BBS9: variants seen among roughly 807,000 people sequenced by gnomAD.
BBS9 encodes protein PTHB1.
Under a neutral mutation model 117.7 loss-of-function variants are expected in BBS9, and 89 were observed. That is an observed-to-expected ratio of 0.76 (90% CI 0.64 to 0.90). The LOEUF (loss-of-function observed/expected upper bound fraction) is 0.90. Ranked by LOEUF, BBS9 falls within the 40% of genes least tolerant of loss-of-function variation. The pLI is 0.00. For synonymous variants in BBS9, 379 were observed against 370.9 expected, an observed-to-expected ratio of 1.02 and a Z score of -0.25; for missense variants, 982 against 1,042.2, an observed-to-expected ratio of 0.94 and a Z score of 0.80.
intron 1 of BBS9, among the ~76,000 whole-genome samples, chr7:33,139,667 C>T (rs1791128885): frequency 6.8e-6 from 1 of 147,572 alleles, no homozygotes. Flanking sequence ...TCTAGGCAGG[C>T]CCCATGAAGT....
chr7:33,603,831 G>T (rs574770986), intron 21 of BBS9, among the ~76,000 whole-genome samples: 7 of 152,112 alleles, frequency 4.6e-5, no homozygotes, highest in African/African-American at 1.4e-4. Context: ...CCTCAGCATC[G>T]ATTTCTGTTT....
intron 20 of BBS9, among the ~76,000 whole-genome samples, chr7:33,524,482 G>A (rs1239921114): frequency 6.6e-6 from 1 of 152,180 alleles, no homozygotes; most frequent in Non-Finnish European, 1.5e-5. Flanking sequence ...TCTTGGGAGG[G>A]TGTATGTGTC....
At chr7:33,529,181 G>A (rs1246764393) in intron 20 of BBS9, among the ~76,000 whole-genome samples, 1 of 152,202 alleles carries the variant, frequency 6.6e-6, no homozygotes, top group Non-Finnish European at 1.5e-5. Context: ...AAGGCATCTG[G>A]GACCAGCATG....
At chr7:33,572,870 T>G (rs764315850) in intron 21 of BBS9, among the ~76,000 whole-genome samples, 6 of 152,076 alleles carry the variant, frequency 3.9e-5, no homozygotes, top group African/African-American at 1.2e-4. Context: ...ATTTTTAAAA[T>G]TAATATAGGA....
chr7:33,244,353 A>G (rs763766670), intron 5 of BBS9, among the ~76,000 whole-genome samples: 17 of 152,208 alleles, frequency 1.1e-4, no homozygotes, highest in Admixed American at 2.6e-4. Context: ...TGAGCCTGGG[A>G]ATCACTGTTT....
intron 5 of BBS9, among the ~76,000 whole-genome samples, chr7:33,208,460 T>C (rs1208177203): frequency 2.0e-5 from 3 of 152,210 alleles, no homozygotes; most frequent in East Asian, 1.9e-4. Context: ...ATCCAACCCA[T>C]GTTGAGAATT....
intron 16 of BBS9, 66 bp downstream of exon 16, chr7:33,358,061 A>G: frequency 6.5e-7 from 1 of 1,546,226 alleles, no homozygotes; most frequent in African/African-American, 1.4e-5. Context: ...GGAATCCTTC[A>G]TCAGCAGATA....
chr7:33,191,745 T>G (rs999573145), intron 5 of BBS9, among the ~76,000 whole-genome samples: 6 of 152,338 alleles, frequency 3.9e-5, no homozygotes, highest in Non-Finnish European at 8.8e-5. Flanking sequence ...TTTGTCATGA[T>G]TTTAGGCTTG....
intron 6 of BBS9, 96 bp from the exon 7 acceptor site, chr7:33,264,194 A>T: frequency 1.7e-6 from 1 of 601,312 alleles, no homozygotes; most frequent in Non-Finnish European, 2.5e-6. Context: ...AGTGCTTTAT[A>T]AAGTTTATAG....
intron 20 of BBS9, among the ~76,000 whole-genome samples, chr7:33,507,398 G>A (rs1846299668): frequency 6.6e-6 from 1 of 151,994 alleles, no homozygotes; most frequent in African/African-American, 2.4e-5. Flanking sequence ...GTGCCACCAT[G>A]CCTAACTAAT....
intron 5 of BBS9, among the ~76,000 whole-genome samples, chr7:33,188,318 C>T (rs1299589807): frequency 3.3e-5 from 5 of 152,100 alleles, no homozygotes; most frequent in Non-Finnish European, 7.4e-5. Context: ...CAAATTCCTT[C>T]TGGTATAGTT....
intron 19 of BBS9, among the ~76,000 whole-genome samples, chr7:33,389,465 G>A (rs555676216): frequency 3.9e-5 from 6 of 152,138 alleles, no homozygotes; most frequent in South Asian, 4.2e-4. Context: ...CTAGGCGGGC[G>A]GATCACGAGG....
At position 33,353,464 on chromosome 7, in the gene BBS9, A is replaced by G. The variant is rs934760214; in HGVS notation, c.1552+591A>G. 3.3e-5 allele frequency among the ~76,000 whole-genome samples: 5 copies of G among 152,114 alleles called. No individual in the cohort carries two copies. In the South Asian group the frequency reaches 6.2e-4, roughly 19 times the overall value. Reference sequence around the variant, plus strand: ...ACTCTGCTATGATTCTGATCACAATATGAACTTAATTAAGTTTGTTCCTTA... The same window carrying G: ...ACTCTGCTATGATTCTGATCACAATGTGAACTTAATTAAGTTTGTTCCTTA... On this transcript the variant is annotated intron_variant, in intron 15 of 22. Transcript: ENST00000242067.
At chr7:33,216,688 T>C (rs953463628) in intron 5 of BBS9, among the ~76,000 whole-genome samples, 9 of 152,234 alleles carry the variant, frequency 5.9e-5, no homozygotes, top group Non-Finnish European at 8.8e-5. Context: ...TATTTGATGC[T>C]GTAAATACTT....
intron 21 of BBS9, among the ~76,000 whole-genome samples, chr7:33,595,109 A>G (rs1862519781): frequency 6.6e-6 from 1 of 152,206 alleles, no homozygotes; most frequent in Admixed American, 6.6e-5. Context: ...AGCCTAGGCA[A>G]TAGCATTCAA....
rs978908640 is a variant in BBS9 at position 33,297,164 on chromosome 7, C to A, written c.1016+23208C>A. 2.6e-5 allele frequency among the ~76,000 whole-genome samples: 4 copies of A among 152,064 alleles called. No homozygotes were observed. In the East Asian group the frequency reaches 7.7e-4, roughly 29 times the overall value. ...AATAACATATGACTCCAGGAGATGA[C>A]CTGTTGTGAATTATTTCAGAATTTA... On this transcript the variant is annotated intron_variant, in intron 9 of 22. Transcript: ENST00000242067.
chr7:33,407,952 C>G (rs940600984), intron 19 of BBS9, among the ~76,000 whole-genome samples: 1 of 152,232 alleles, frequency 6.6e-6, no homozygotes, highest in Admixed American at 6.5e-5. Flanking sequence ...GGGAGAACCA[C>G]TGCTCTCCTC....
At chr7:33,351,944 A>G (rs1025723199) in intron 14 of BBS9, 1 of 155,398 alleles carries the variant, frequency 6.4e-6, no homozygotes, top group Non-Finnish European at 1.4e-5. Context: ...GAAAGAATCA[A>G]TTGGGAAAGG....
chr7:33,264,508 T>G (rs1172885385), intron 7 of BBS9, 134 bp downstream of exon 7: 2 of 522,984 alleles, frequency 3.8e-6, no homozygotes, highest in Non-Finnish European at 6.6e-6. Flanking sequence ...ATGGTTATAT[T>G]AATGACCTAA....
Sources: gnomAD v4.1 joint callset for allele counts (sites outside exome capture counted in the v4.1 genomes callset) on GRCh38, gnomAD v4.1.1 for gene constraint, MANE v1.5 for transcripts, NCBI Gene and HGNC (gene_info 2026-07-23, HGNC 2026-07-21) for gene names.